The following MBNL3 variants were observed in gnomAD, a reference collection of about 807,000 sequenced individuals.
The protein encoded by MBNL3 is muscleblind-like protein 3.
In MBNL3, 6 loss-of-function variants were observed where a neutral mutation model predicts 24.5. That is an observed-to-expected ratio of 0.25 (90% CI 0.13 to 0.48). The LOEUF (loss-of-function observed/expected upper bound fraction) is 0.48, where lower values mean the gene tolerates loss of function less well. Among genes scored for constraint, MBNL3 ranks in the 20% least tolerant of loss-of-function variants. The pLI is 0.99. For missense variants in MBNL3, 230 were observed against 293.5 expected (o/e 0.78, Z 1.58); for synonymous variants, 100 against 101.7 (o/e 0.98, Z 0.10).
chrX:132,386,916 T>C (rs903819237), intron 5 of MBNL3, 105 bp from the exon 6 acceptor site: 46 of 924,309 alleles, frequency 5.0e-5, no homozygotes, highest in Middle Eastern at 7.5e-4. Context: ...TCCGTAAGGG[T>C]ATGCATTGGG....
Position 132,392,417 on chromosome X carries a change from T to C in MBNL3, c.343-83A>G, listed in dbSNP as rs767305286. ...ACAAAGAGGTATTCTTTCAGAAACA[T>C]CAAAATTACTTATGCCACATCAAAA... On this transcript the variant is annotated intron_variant, in intron 3 of 8. Transcript: ENST00000370853. 9.7e-5 allele frequency: 73 copies of C among 751,657 alleles called. No individual in the cohort carries two copies. In the African/African-American group the frequency reaches 1.4e-3, roughly 15 times the overall value. The allele number at this position is 751,657 out of a possible 1,213,427, so 61.9% of individuals were successfully genotyped here.
intron 2 of MBNL3, among the ~76,000 whole-genome samples, chrX:132,414,452 G>A (rs1479592281): frequency 8.9e-6 from 1 of 111,985 alleles, no homozygotes; most frequent in Non-Finnish European, 1.9e-5. Context: ...TTGCCAGAGT[G>A]TGTACCACAG....
intron 1 of MBNL3, among the ~76,000 whole-genome samples, chrX:132,463,249 G>C (rs565039396): frequency 2.9e-4 from 33 of 112,014 alleles, no homozygotes; most frequent in African/African-American, 1.0e-3. Flanking sequence ...ATCACCTGAG[G>C]TCAGGAGTTC....
At chrX:132,403,488 T>C (rs1288763602) in intron 3 of MBNL3, among the ~76,000 whole-genome samples, 1 of 112,029 alleles carries the variant, frequency 8.9e-6, no homozygotes, top group Non-Finnish European at 1.9e-5. Context: ...ATAGCAGTCA[T>C]CTTCCGTCAT....
At chrX:132,471,260 G>T (rs754823807) in intron 1 of MBNL3, among the ~76,000 whole-genome samples, 2 of 111,556 alleles carry the variant, frequency 1.8e-5, no homozygotes, top group Non-Finnish European at 3.8e-5. Flanking sequence ...AGTTAGACCC[G>T]CTCTGAAACT....
At chrX:132,394,380 G>A (rs920880972) in intron 3 of MBNL3, among the ~76,000 whole-genome samples, 2 of 112,046 alleles carry the variant, frequency 1.8e-5, no homozygotes, top group African/African-American at 3.2e-5. Context: ...GCATGCTTCC[G>A]CAATAAGGCA....
At chrX:132,458,256 T>C (rs1946470057) in intron 1 of MBNL3, among the ~76,000 whole-genome samples, 1 of 109,923 alleles carries the variant, frequency 9.1e-6, no homozygotes, top group South Asian at 3.9e-4. Flanking sequence ...AAAAATGTCT[T>C]AGTGGATAAG....
At chrX:132,393,728 T>A (rs1194396605) in intron 3 of MBNL3, among the ~76,000 whole-genome samples, 1 of 111,768 alleles carries the variant, frequency 8.9e-6, no homozygotes, top group Admixed American at 9.5e-5. Flanking sequence ...ACTGGTGGTG[T>A]CTCATTGTGT....
intron 2 of MBNL3, among the ~76,000 whole-genome samples, chrX:132,414,096 A>G (rs967715109): frequency 1.2e-4 from 13 of 112,138 alleles, no homozygotes; most frequent in African/African-American, 3.9e-4. Context: ...ATTTGCATAG[A>G]TATCTTTTTC....
chrX:132,395,685 A>G (rs762237258), intron 3 of MBNL3, among the ~76,000 whole-genome samples: 3 of 111,768 alleles, frequency 2.7e-5, no homozygotes, highest in Non-Finnish European at 5.6e-5. Flanking sequence ...AGGAACTATC[A>G]GACACTCAGG....
At chrX:132,381,908 T>A (rs945315101) in intron 8 of MBNL3, among the ~76,000 whole-genome samples, 2 of 112,001 alleles carry the variant, frequency 1.8e-5, no homozygotes, top group African/African-American at 6.5e-5. Flanking sequence ...TATATACATT[T>A]GAGGATTGGT....
intron 2 of MBNL3, chrX:132,432,711 A>G (rs1944837977): frequency 8.9e-6 from 1 of 111,979 alleles, no homozygotes; most frequent in African/African-American, 3.2e-5. Context: ...CATTGTATGT[A>G]TATACCATAT....
chrX:132,384,666 T>C lies in MBNL3; in HGVS notation c.955A>G (p.Ile319Val), dbSNP rs754566338. 1 of 1,197,080 alleles carries C rather than the reference T, an allele frequency of 8.4e-7. No homozygotes were observed. Among genetic ancestry groups the C allele is most frequent in the East Asian group, 3.0e-5 (1 of 33,350 alleles). The change falls in exon 7 of 9, where the codon ATT (isoleucine) becomes GTT (valine). Residue 319 changes from isoleucine to valine, a missense_variant. Transcript: ENST00000370853. Reference protein sequence around the residue: ...PILCMAPASNIVPMMHGATPT... With the variant: ...PILCMAPASNVVPMMHGATPT... ...ATAATTTTTGTAGAAAACCTACCAA[T>C]ATTTGAAGCGGGTGCCATGCACAGT...
At chrX:132,484,272 TA>T (rs1370088177) in intron 1 of MBNL3, among the ~76,000 whole-genome samples, 1 of 111,894 alleles carries the variant, frequency 8.9e-6, no homozygotes, top group African/African-American at 3.3e-5. Context: ...CTTTTGTCAA[TA>T]AAAAACAGAA....
intron 2 of MBNL3, among the ~76,000 whole-genome samples, chrX:132,434,734 A>T (rs982672662): frequency 8.9e-6 from 1 of 112,103 alleles, no homozygotes; most frequent in Non-Finnish European, 1.9e-5. Flanking sequence ...TGTCATGGTC[A>T]TGAAAGACAA....
chrX:132,401,409 G>A (rs890011217), intron 3 of MBNL3, among the ~76,000 whole-genome samples: 8 of 109,884 alleles, frequency 7.3e-5, no homozygotes, highest in Non-Finnish European at 1.3e-4. Context: ...TACCAGACTG[G>A]GCAACATAGT....
chrX:132,455,735 T>C (rs1326395148), intron 1 of MBNL3, among the ~76,000 whole-genome samples: 2 of 112,122 alleles, frequency 1.8e-5, no homozygotes, highest in African/African-American at 6.5e-5. Flanking sequence ...CATATTCATG[T>C]TGGAACTTAA....
At chrX:132,384,220 G>A (rs1422761431) in intron 7 of MBNL3, among the ~76,000 whole-genome samples, 1 of 111,877 alleles carries the variant, frequency 8.9e-6, no homozygotes, top group Non-Finnish European at 1.9e-5. Context: ...TCATCCTCTC[G>A]CAACATAGGA....
chrX:132,406,378 T>C lies in MBNL3; in HGVS notation c.192A>G (p.Arg64=). ...CFDSLKGRCT[R]ENCKYLHPPP... ...GAGGGTGAAGGTACTTGCAGTTCTCTCGGGTACACCGACCCTGACAATGAA... is the reference window on the plus strand; with the variant it reads ...GAGGGTGAAGGTACTTGCAGTTCTCCCGGGTACACCGACCCTGACAATGAA... Residue 64 remains arginine, a synonymous_variant, in exon 3 of 9, where the codon CGA becomes CGG. Coordinates refer to ENST00000370853, the MANE Select transcript of MBNL3 (RefSeq NM_001386889.1). 1 of 1,196,803 alleles carries C rather than the reference T, an allele frequency of 8.4e-7. No homozygotes were observed. The highest frequency in any genetic ancestry group is 3.0e-5 in the East Asian group (1 of 33,468).
Sources: gnomAD v4.1 joint callset for allele counts (sites outside exome capture counted in the v4.1 genomes callset) on GRCh38, gnomAD v4.1.1 for gene constraint, MANE v1.5 for transcripts, NCBI Gene and HGNC (gene_info 2026-07-23, HGNC 2026-07-21) for gene names.